Variants in SAMM50 observed in about 807,000 individuals in gnomAD.
SAMM50 encodes the protein SAMM50 sorting and assembly machinery component.
A neutral mutation model predicts 66.9 loss-of-function variants in SAMM50; 47 were observed. The observed-to-expected ratio is 0.70, with a 90% CI of 0.56 to 0.90. SAMM50 has a LOEUF of 0.90. Among genes scored for constraint, SAMM50 ranks in the 40% least tolerant of loss-of-function variants. The pLI, the probability that SAMM50 is intolerant of heterozygous loss-of-function variation, is 0.00. For missense variants in SAMM50, 535 were observed against 595.3 expected (o/e 0.90, Z 1.05); for synonymous variants, 191 against 214.1 (o/e 0.89, Z 0.94).
intron 14 of SAMM50, chr22:43,995,523 G>A: frequency 6.6e-6 from 1 of 152,356 alleles, no homozygotes; most frequent in Non-Finnish European, 1.5e-5. Flanking sequence ...GTCCCAAATG[G>A]GCAGCATTGG....
At chr22:43,963,461 A>G (rs1338938790) in intron 2 of SAMM50, 65 bp downstream of exon 2, 11 of 953,540 alleles carry the variant, frequency 1.2e-5, no homozygotes, top group Non-Finnish European at 1.8e-5. Flanking sequence ...ATACACCACT[A>G]GGGAGATGTA....
intron 4 of SAMM50, among the ~76,000 whole-genome samples, chr22:43,970,819 T>C (rs1194132013): frequency 6.6e-6 from 1 of 150,956 alleles, no homozygotes; most frequent in Non-Finnish European, 1.5e-5. Flanking sequence ...CTCTAAGAAA[T>C]AAAGTCCACT....
At chr22:43,991,620 G>A (rs887048106) in intron 14 of SAMM50, among the ~76,000 whole-genome samples, 8 of 152,062 alleles carry the variant, frequency 5.3e-5, no homozygotes, top group Admixed American at 3.3e-4. Flanking sequence ...AGTGTATCTC[G>A]GTCAGCTCAG....
At chr22:43,987,178 T>G (rs1164362852) in intron 12 of SAMM50, 1 of 152,210 alleles carries the variant, frequency 6.6e-6, no homozygotes, top group Non-Finnish European at 1.5e-5. Context: ...TGCTATAATT[T>G]TTTTGTGAAA....
chr22:43,993,204 G>A (rs147223260), intron 14 of SAMM50, among the ~76,000 whole-genome samples: 91 of 152,314 alleles, frequency 6.0e-4, no homozygotes, highest in Admixed American at 1.8e-3. Context: ...GAGGGGCGTT[G>A]GAGCGAGGGA....
intron 14 of SAMM50, among the ~76,000 whole-genome samples, chr22:43,991,973 T>C (rs2050327002): frequency 6.6e-6 from 1 of 152,250 alleles, no homozygotes; most frequent in Non-Finnish European, 1.5e-5. Context: ...ATGTGAATCT[T>C]GTGGGGACAT....
At chr22:43,995,757 A>C (rs988502081) in intron 14 of SAMM50, among the ~76,000 whole-genome samples, 9 of 152,206 alleles carry the variant, frequency 5.9e-5, no homozygotes, top group Admixed American at 6.5e-5. Flanking sequence ...CCAGGTTCTT[A>C]ACCACTGTGT....
chr22:43,994,666 C>T lies in SAMM50; in HGVS notation c.1365-1672C>T, dbSNP rs140554809. ...GACCAGGAGCCCTGCACCAAGACAG[C>T]GGCCGTGAGGGAGGGAGAGAGCGTG... On this transcript the variant is annotated intron_variant, in intron 14 of 14. Transcript: ENST00000350028. Among the ~76,000 whole-genome samples the T allele has an allele frequency of 4.3e-3, 661 of 152,260 alleles. 5 individuals are homozygous for T. Among genetic ancestry groups the T allele is most frequent in the African/African-American group, 0.015 (636 of 41,554 alleles).
intron 3 of SAMM50, among the ~76,000 whole-genome samples, chr22:43,966,586 C>G (rs1258314447): frequency 1.3e-5 from 2 of 152,002 alleles, no homozygotes; most frequent in Admixed American, 6.6e-5. Context: ...GAACTCCTGA[C>G]CTCAGGTAAT....
chr22:43,973,071 A>G, intron 6 of SAMM50, 70 bp downstream of exon 6: 1 of 1,547,480 alleles, frequency 6.5e-7, no homozygotes, highest in Non-Finnish European at 8.7e-7. Flanking sequence ...CTTATTTGTG[A>G]AAAGAACCAT....
intron 3 of SAMM50, among the ~76,000 whole-genome samples, chr22:43,966,071 C>A (rs541895079): frequency 6.6e-6 from 1 of 152,206 alleles, no homozygotes; most frequent in Non-Finnish European, 1.5e-5. Flanking sequence ...GAACTCCTGG[C>A]ACAAGGGGTC....
chr22:43,977,793 C>G (rs2050240447), intron 9 of SAMM50, 79 bp from the exon 10 acceptor site: 1 of 971,996 alleles, frequency 1.0e-6, no homozygotes. Context: ...AAAATTAAAT[C>G]CTGATGCAAA....
At chr22:43,991,388 C>T (rs1292658195) in intron 14 of SAMM50, among the ~76,000 whole-genome samples, 1 of 151,784 alleles carries the variant, frequency 6.6e-6, no homozygotes, top group Non-Finnish European at 1.5e-5. Context: ...AGTGATCCCC[C>T]TGCCTCAGCC....
In SAMM50 at chr22:43,964,611, G is replaced by A. The variant is rs75871769; in HGVS notation, c.234+58G>A. 1.9e-3 allele frequency: 1,813 copies of A among 938,272 alleles called. 17 individuals carry two copies. The African/African-American group carries it at 0.026, about 14-fold the overall frequency. The allele number at this position is 938,272 out of a possible 1,614,324, so 58.1% of individuals were successfully genotyped here. A position where few individuals can be genotyped will look rare whatever the true frequency, so the allele number is the denominator to read the frequency against. On this transcript the variant is annotated intron_variant, in intron 3 of 14. Coordinates refer to ENST00000350028, the MANE Select transcript of SAMM50 (RefSeq NM_015380.5). ...AGTCTCTTCTGAAGAACTCGTAAAT[G>A]TCCCCATGTGAAACCACAGAGCACC... is the stretch of plus-strand genomic sequence containing the variant.
At chr22:43,979,829 A>G (rs1049241893) in intron 10 of SAMM50, among the ~76,000 whole-genome samples, 3 of 151,612 alleles carry the variant, frequency 2.0e-5, no homozygotes, top group East Asian at 3.9e-4. Flanking sequence ...CCCAGAAGGC[A>G]TTGGCTCACC....
intron 10 of SAMM50, 83 bp downstream of exon 10, chr22:43,978,041 C>A: frequency 1.1e-6 from 1 of 912,476 alleles, no homozygotes; most frequent in Non-Finnish European, 1.7e-6. Flanking sequence ...TCCTGAATAT[C>A]TAAAGCACAG....
Position 43,972,280 on chromosome 22 carries a change from A to ACC in SAMM50, c.368_369insCC (p.Glu124LeufsTer3), listed in dbSNP as rs2050207732. On this transcript the variant is annotated frameshift_variant, in exon 5 of 15. Transcript: ENST00000350028. LOFTEE classifies it high-confidence loss of function. ...TGGGTTAGACGTTACCTTTGAAGTAACTGAATTGAGGAGATTAACGGGCAG... is the reference window on the plus strand; with the variant it reads ...TGGGTTAGACGTTACCTTTGAAGTAACCCTGAATTGAGGAGATTAACGGGCAG... 1 of 1,607,246 alleles carries ACC rather than the reference A, an allele frequency of 6.2e-7. No individual in the cohort carries two copies. Among genetic ancestry groups the ACC allele is most frequent in the Non-Finnish European group, 8.5e-7 (1 of 1,178,298 alleles).
In SAMM50 at chr22:43,968,833, G is replaced by A; in HGVS notation, c.322+15G>A. 1 of 1,565,696 alleles carries A rather than the reference G, an allele frequency of 6.4e-7. No homozygotes were observed. ...CACATGTCAAGGTACATATTGTGGT[G>A]TAGTATCTTTATAATTCCCTTTCTG... On this transcript the variant is annotated intron_variant, in intron 4 of 14. Transcript: ENST00000350028.
chr22:43,994,723 T>C (rs1284038250), intron 14 of SAMM50, among the ~76,000 whole-genome samples: 2 of 152,294 alleles, frequency 1.3e-5, no homozygotes, highest in East Asian at 3.9e-4. Context: ...TGTTTGGGGC[T>C]GTCTGGAGGA....
Sources: gnomAD v4.1 joint callset for allele counts (sites outside exome capture counted in the v4.1 genomes callset) on GRCh38, gnomAD v4.1.1 for gene constraint, MANE v1.5 for transcripts, NCBI Gene and HGNC (gene_info 2026-07-23, HGNC 2026-07-21) for gene names.